Variants in MGAT4C observed in about 807,000 individuals in gnomAD.
MGAT4C encodes alpha-1,3-mannosyl-glycoprotein 4-beta-N-acetylglucosaminyltransferase C.
A neutral mutation model predicts 40.1 loss-of-function variants in MGAT4C; 19 were observed. That is an observed-to-expected ratio of 0.47 (90% CI 0.33 to 0.70). The LOEUF is 0.70. Ranked by LOEUF, MGAT4C falls within the 30% of genes least tolerant of loss-of-function variation. The probability of loss-of-function intolerance (pLI) is 0.02; values close to 1 mark genes in which losing one functional copy is unlikely to be tolerated. For synonymous variants in MGAT4C, 181 were observed against 187.1 expected (o/e 0.97, Z 0.27); for missense variants, 491 against 563.2 (o/e 0.87, Z 1.30).
At chr12:86,593,444 A>G (rs572380034) in intron 2 of MGAT4C, among the ~76,000 whole-genome samples, 54 of 152,004 alleles carry the variant, frequency 3.6e-4, no homozygotes, top group Admixed American at 9.8e-4. Flanking sequence ...TTTTTTTCCA[A>G]TGCCAAGGGT....
intron 1 of MGAT4C, among the ~76,000 whole-genome samples, chr12:86,141,666 T>C (rs1235179908): frequency 6.6e-6 from 1 of 152,090 alleles, no homozygotes; most frequent in African/African-American, 2.4e-5. Context: ...AAATATAAAA[T>C]GCTATTAACC....
chr12:86,609,283 A>G, intron 2 of MGAT4C, among the ~76,000 whole-genome samples: 1 of 152,112 alleles, frequency 6.6e-6, no homozygotes, highest in East Asian at 1.9e-4. Flanking sequence ...TTGCAAAGTT[A>G]AACGTGAAGA....
At chr12:86,324,551 ATG>A (rs1954478028) in intron 4 of MGAT4C, among the ~76,000 whole-genome samples, 1 of 152,004 alleles carries the variant, frequency 6.6e-6, no homozygotes, top group Non-Finnish European at 1.5e-5. Flanking sequence ...CATATTTCAT[ATG>A]TGTCACTTTA....
At chr12:86,606,099 C>T (rs931223160) in intron 2 of MGAT4C, among the ~76,000 whole-genome samples, 9 of 151,786 alleles carry the variant, frequency 5.9e-5, no homozygotes, top group Non-Finnish European at 1.3e-4. Flanking sequence ...CATTAGATCT[C>T]GTGAAAACTC....
intron 1 of MGAT4C, among the ~76,000 whole-genome samples, chr12:86,793,887 GT>G (rs1274386590): frequency 6.6e-6 from 1 of 151,958 alleles, no homozygotes; most frequent in African/African-American, 2.4e-5. Flanking sequence ...ATTGGTAAAT[GT>G]TGCAAAAATT....
intron 4 of MGAT4C, among the ~76,000 whole-genome samples, chr12:86,296,686 A>G (rs1953687732): frequency 6.6e-6 from 1 of 152,178 alleles, no homozygotes; most frequent in African/African-American, 2.4e-5. Context: ...AGGGCCGGCC[A>G]GCGGCTCCGA....
chr12:86,648,586 C>T (rs1197752284), intron 2 of MGAT4C, among the ~76,000 whole-genome samples: 1 of 151,782 alleles, frequency 6.6e-6, no homozygotes, highest in Non-Finnish European at 1.5e-5. Flanking sequence ...AGACATCTAC[C>T]AACCAGGAAG....
At chr12:86,031,060 G>A (rs1179868335) in intron 2 of MGAT4C, among the ~76,000 whole-genome samples, 4 of 151,698 alleles carry the variant, frequency 2.6e-5, no homozygotes, top group East Asian at 1.9e-4. Flanking sequence ...TTGACATTCT[G>A]TCTCAAACTG....
intron 1 of MGAT4C, among the ~76,000 whole-genome samples, chr12:86,228,963 T>A (rs1056240722): frequency 2.0e-5 from 3 of 151,900 alleles, no homozygotes; most frequent in African/African-American, 7.2e-5. Context: ...TGGCTTCTTA[T>A]GTCTGGAGGG....
chr12:86,173,062 C>A (rs937804539), intron 1 of MGAT4C, among the ~76,000 whole-genome samples: 1 of 152,048 alleles, frequency 6.6e-6, no homozygotes, highest in African/African-American at 2.4e-5. Flanking sequence ...TACATTAATG[C>A]AAGCATTAAC....
intron 2 of MGAT4C, among the ~76,000 whole-genome samples, chr12:86,554,126 A>G (rs1445118310): frequency 5.7e-5 from 2 of 34,936 alleles, no homozygotes; most frequent in Non-Finnish European, 1.0e-4. Context: ...AAACACATAC[A>G]CATACATACA....
intron 4 of MGAT4C, among the ~76,000 whole-genome samples, chr12:86,278,229 C>T (rs1953127134): frequency 7.7e-6 from 1 of 129,704 alleles, no homozygotes; most frequent in Admixed American, 9.1e-5. Flanking sequence ...GCCCAGGCTG[C>T]AGTTCATGAC....
intron 1 of MGAT4C, among the ~76,000 whole-genome samples, chr12:86,773,053 G>C (rs1005218647): frequency 2.6e-5 from 4 of 152,098 alleles, no homozygotes; most frequent in African/African-American, 4.8e-5. Flanking sequence ...ACATGCTGTG[G>C]GCTGGGCTGA....
At chr12:86,264,469 G>C (rs943610178) in intron 4 of MGAT4C, among the ~76,000 whole-genome samples, 2 of 152,190 alleles carry the variant, frequency 1.3e-5, no homozygotes, top group Admixed American at 6.5e-5. Flanking sequence ...GGCTGCAGCG[G>C]GGGAGGCGGG....
intron 3 of MGAT4C, among the ~76,000 whole-genome samples, chr12:85,986,108 A>G (rs750691021): frequency 6.6e-6 from 1 of 152,210 alleles, no homozygotes; most frequent in Non-Finnish European, 1.5e-5. Context: ...CACTTTATTA[A>G]ATTCTCAGGA....
At chr12:86,422,715 AT>A (rs1956851393) in intron 3 of MGAT4C, among the ~76,000 whole-genome samples, 1 of 152,176 alleles carries the variant, frequency 6.6e-6, no homozygotes, top group Non-Finnish European at 1.5e-5. Context: ...CAATAAAGAT[AT>A]TGTGGAATAA....
At chr12:86,770,332 A>C (rs1951608398) in intron 1 of MGAT4C, among the ~76,000 whole-genome samples, 1 of 152,096 alleles carries the variant, frequency 6.6e-6, no homozygotes, top group Non-Finnish European at 1.5e-5. Flanking sequence ...TATTATTTAT[A>C]TTAATCTTTT....
chr12:86,052,427 A>G (rs1892982416), intron 1 of MGAT4C, among the ~76,000 whole-genome samples: 2 of 152,022 alleles, frequency 1.3e-5, no homozygotes. Flanking sequence ...CATTCAATAA[A>G]TTTCTAATTT....
chr12:86,300,939 A>G (rs1404625878), intron 4 of MGAT4C, among the ~76,000 whole-genome samples: 1 of 152,160 alleles, frequency 6.6e-6, no homozygotes, highest in East Asian at 1.9e-4. Context: ...AAATCAATTC[A>G]AAACAGTGGG....
Sources: allele counts gnomAD v4.1 joint callset (sites outside exome capture counted in the v4.1 genomes callset), GRCh38; gene constraint gnomAD v4.1.1; transcripts MANE v1.5; gene names NCBI Gene and HGNC (gene_info 2026-07-23, HGNC 2026-07-21).